Variants in SDK1 observed in about 807,000 individuals in gnomAD.
SDK1 encodes protein sidekick-1.
A neutral mutation model predicts 245.5 loss-of-function variants in SDK1; 157 were observed. That is an observed-to-expected ratio of 0.64 (90% CI 0.56 to 0.73). SDK1 has a LOEUF of 0.73. SDK1 is among the 30% of genes least tolerant of loss of function. The probability of loss-of-function intolerance (pLI) is 0.00; values close to 1 mark genes in which losing one functional copy is unlikely to be tolerated. For synonymous variants in SDK1, 1,647 were observed against 1,278.5 expected (o/e 1.29, Z -6.15); for missense variants, 3,583 against 3,002.3 (o/e 1.19, Z -4.52).
At chr7:3,679,072 CATG>C (rs1784012930) in intron 4 of SDK1, among the ~76,000 whole-genome samples, 1 of 152,158 alleles carries the variant, frequency 6.6e-6, no homozygotes, top group Non-Finnish European at 1.5e-5. Flanking sequence ...GCACCAAAAA[CATG>C]ATCAATACAT....
At chr7:4,250,802 T>C (rs1049504524) in intron 44 of SDK1, among the ~76,000 whole-genome samples, 1 of 152,334 alleles carries the variant, frequency 6.6e-6, no homozygotes, top group South Asian at 2.1e-4. Flanking sequence ...TGAGTTATAA[T>C]TCATATATCA....
chr7:4,037,060 A>T (rs910458002), intron 17 of SDK1, among the ~76,000 whole-genome samples: 1 of 152,190 alleles, frequency 6.6e-6, no homozygotes, highest in Non-Finnish European at 1.5e-5. Flanking sequence ...AAGTAATAAC[A>T]ATGATGATGA....
chr7:3,414,474 A>G (rs182989138), intron 1 of SDK1, among the ~76,000 whole-genome samples: 6 of 152,108 alleles, frequency 3.9e-5, no homozygotes, highest in Middle Eastern at 3.2e-3. Flanking sequence ...TTTCTTTGGT[A>G]TGTTTTAGTT....
intron 1 of SDK1, among the ~76,000 whole-genome samples, chr7:3,316,886 A>T (rs1779676592): frequency 6.6e-6 from 1 of 152,132 alleles, no homozygotes; most frequent in Non-Finnish European, 1.5e-5. Flanking sequence ...ACCTTTTAAA[A>T]AGGGTCTGGG....
At chr7:4,022,214 T>A (rs1446042946) in intron 17 of SDK1, among the ~76,000 whole-genome samples, 1 of 152,188 alleles carries the variant, frequency 6.6e-6, no homozygotes. Flanking sequence ...ATTATTGGAA[T>A]GTCTACAAAG....
intron 4 of SDK1, among the ~76,000 whole-genome samples, chr7:3,681,504 C>T (rs1025443331): frequency 1.3e-5 from 2 of 152,132 alleles, no homozygotes; most frequent in African/African-American, 2.4e-5. Flanking sequence ...GTAGGCAAGT[C>T]TTCAAATTTA....
At chr7:3,970,936 G>T (rs1433609951) in intron 11 of SDK1, among the ~76,000 whole-genome samples, 1 of 152,182 alleles carries the variant, frequency 6.6e-6, no homozygotes, top group Non-Finnish European at 1.5e-5. Context: ...AGGCAAGCTG[G>T]GGGTCCCCAT....
chr7:3,439,747 C>G (rs1206119980), intron 1 of SDK1, among the ~76,000 whole-genome samples: 2 of 152,150 alleles, frequency 1.3e-5, no homozygotes, highest in Non-Finnish European at 2.9e-5. Context: ...CATGATTTAG[C>G]TTTATGATCA....
chr7:3,584,253 C>T (rs1780610311), intron 1 of SDK1, among the ~76,000 whole-genome samples: 1 of 152,086 alleles, frequency 6.6e-6, no homozygotes, highest in Non-Finnish European at 1.5e-5. Context: ...CATCTCCAAA[C>T]GTATTTGACC....
intron 1 of SDK1, among the ~76,000 whole-genome samples, chr7:3,369,696 T>C (rs1915984): frequency 0.46 from 70,548 of 152,146 alleles, 17,935 homozygotes; most frequent in East Asian, 0.62. Flanking sequence ...AAAGAATTAT[T>C]ATAAATTAAT....
intron 4 of SDK1, among the ~76,000 whole-genome samples, chr7:3,813,670 C>G (rs1779440512): frequency 7.2e-6 from 1 of 139,024 alleles, no homozygotes; most frequent in Non-Finnish European, 1.5e-5. Flanking sequence ...AGTTCTAGAT[C>G]CCCGAGGAAT....
rs1342893997 is a variant in SDK1 at position 3,795,260 on chromosome 7, T to G, written c.714-26190T>G. Among the ~76,000 whole-genome samples the G allele has an allele frequency of 2.0e-5, 3 of 152,010 alleles. No homozygotes were observed. The East Asian group carries it at 5.8e-4, about 29-fold the overall frequency. On this transcript the variant is annotated intron_variant, in intron 4 of 44. Coordinates refer to ENST00000404826, the MANE Select transcript of SDK1 (RefSeq NM_152744.4). ...TGGGACCATGTGCTGTGGCTGTGAT[T>G]TTTTTTTCCCCCTTAGAGGCATGTT...
intron 1 of SDK1, among the ~76,000 whole-genome samples, chr7:3,527,886 G>A (rs926118505): frequency 4.6e-5 from 7 of 150,642 alleles, no homozygotes; most frequent in Non-Finnish European, 1.0e-4. Flanking sequence ...GCTAGAGAGT[G>A]AATGGTAGGA....
intron 43 of SDK1, 82 bp downstream of exon 43, chr7:4,241,995 TC>T: frequency 6.6e-7 from 1 of 1,514,572 alleles, no homozygotes; most frequent in Non-Finnish European, 9.0e-7. Flanking sequence ...CACTGGCACC[TC>T]CTGCATCCCG....
chr7:4,108,521 G>A (rs1044702541), intron 22 of SDK1, among the ~76,000 whole-genome samples: 1 of 152,122 alleles, frequency 6.6e-6, no homozygotes, highest in Non-Finnish European at 1.5e-5. Context: ...GCCTCTGGCT[G>A]TGCAAGCTGC....
chr7:4,103,897 C>G (rs1317996020), intron 22 of SDK1, among the ~76,000 whole-genome samples: 1 of 152,268 alleles, frequency 6.6e-6, no homozygotes, highest in Non-Finnish European at 1.5e-5. Context: ...AGGTCAGACG[C>G]TCTCAGTTCC....
chr7:4,236,636 C>T (rs534840155), intron 41 of SDK1, among the ~76,000 whole-genome samples: 16 of 152,116 alleles, frequency 1.1e-4, no homozygotes, highest in Non-Finnish European at 8.8e-5. Flanking sequence ...GGGTTCACCC[C>T]GTGGCTGTTG....
intron 4 of SDK1, among the ~76,000 whole-genome samples, chr7:3,716,849 C>A (rs1785217904): frequency 6.6e-6 from 1 of 151,102 alleles, no homozygotes; most frequent in African/African-American, 2.4e-5. Flanking sequence ...AAATGAGGTC[C>A]TCCAAACAGA....
chr7:3,362,872 A>G (rs1314528885), intron 1 of SDK1, among the ~76,000 whole-genome samples: 1 of 152,220 alleles, frequency 6.6e-6, no homozygotes, highest in African/African-American at 2.4e-5. Context: ...ATAAACATTT[A>G]TATTTCATTT....
Sources: allele counts gnomAD v4.1 joint callset (sites outside exome capture counted in the v4.1 genomes callset), GRCh38; gene constraint gnomAD v4.1.1; transcripts MANE v1.5; gene names NCBI Gene and HGNC (gene_info 2026-07-23, HGNC 2026-07-21).